Variants in TRPM3 observed in about 807,000 individuals in gnomAD.
The protein encoded by TRPM3 is long transient receptor potential channel 3.
TRPM3 carries 77 observed loss-of-function variants against 181.2 expected under a neutral mutation model. The ratio of observed to expected loss-of-function variants is 0.42; its 90% confidence interval spans 0.35 to 0.51. The LOEUF is 0.51. Among genes scored for constraint, TRPM3 ranks in the 20% least tolerant of loss-of-function variants. The pLI is 0.01. For missense variants in TRPM3, 1,759 were observed against 2,196.7 expected (o/e 0.80, Z 3.98); for synonymous variants, 745 against 796.4 (o/e 0.94, Z 1.09).
intron 1 of TRPM3, among the ~76,000 whole-genome samples, chr9:71,052,683 A>G (rs930916664): frequency 1.4e-4 from 22 of 152,094 alleles, no homozygotes; most frequent in African/African-American, 5.3e-4. Context: ...AAAAAACCCT[A>G]CATCTCTAGG....
intron 1 of TRPM3, among the ~76,000 whole-genome samples, chr9:71,204,981 C>T (rs1363464379): frequency 6.6e-6 from 1 of 151,994 alleles, no homozygotes; most frequent in Non-Finnish European, 1.5e-5. Flanking sequence ...CCAAACACGG[C>T]ATGTTCTCAC....
At chr9:70,585,292 A>G (rs2056877541) in intron 22 of TRPM3, among the ~76,000 whole-genome samples, 2 of 152,150 alleles carry the variant, frequency 1.3e-5, no homozygotes, top group Admixed American at 6.5e-5. Context: ...CTTGCATTTG[A>G]CACCGTTGAC....
chr9:70,833,099 C>T (rs1307109784), intron 5 of TRPM3, among the ~76,000 whole-genome samples: 1 of 152,194 alleles, frequency 6.6e-6, no homozygotes, highest in African/African-American at 2.4e-5. Context: ...TGAGTCTGGA[C>T]AGCCTGTGTT....
At chr9:71,041,518 G>A (rs1218169304) in intron 1 of TRPM3, among the ~76,000 whole-genome samples, 1 of 152,056 alleles carries the variant, frequency 6.6e-6, no homozygotes, top group Non-Finnish European at 1.5e-5. Context: ...GCATAAGTAT[G>A]TTTTTCTGAC....
rs552517020 is a variant in TRPM3 at position 71,248,662 on chromosome 9, A to C, written c.183+197991T>G. Among the ~76,000 whole-genome samples the C allele has an allele frequency of 2.0e-5, 3 of 152,298 alleles. No individual in the cohort carries two copies. In the South Asian group the frequency reaches 6.2e-4, roughly 32 times the overall value. On this transcript the variant is annotated intron_variant, in intron 1 of 24. Transcript: ENST00000357533. The stretch of plus-strand genomic sequence containing the variant: ...AGAGATAAAGTCCCCTTTTCCAGCT[A>C]TTCACAACTTACTCTTGTTGTCTGC...
chr9:70,905,134 A>G (rs1340315636), intron 1 of TRPM3, among the ~76,000 whole-genome samples: 1 of 152,196 alleles, frequency 6.6e-6, no homozygotes, highest in African/African-American at 2.4e-5. Context: ...TGAGCCTACA[A>G]ATGCAATGTG....
At chr9:70,700,856 G>A (rs11142556) in intron 8 of TRPM3, among the ~76,000 whole-genome samples, 32,515 of 152,126 alleles carry the variant, frequency 0.21, 4,285 homozygotes, top group Non-Finnish European at 0.29. Context: ...AATGTTAAAC[G>A]TGCTAAATAT....
intron 1 of TRPM3, among the ~76,000 whole-genome samples, chr9:71,257,480 T>C (rs1340727387): frequency 1.3e-5 from 2 of 152,182 alleles, no homozygotes; most frequent in Non-Finnish European, 2.9e-5. Context: ...CTTCATGCCA[T>C]GTACCCAATG....
chr9:70,904,904 C>T (rs2096440388), intron 1 of TRPM3, among the ~76,000 whole-genome samples: 1 of 152,142 alleles, frequency 6.6e-6, no homozygotes, highest in African/African-American at 2.4e-5. Flanking sequence ...TTAAAGTTTT[C>T]TTATGGCTGG....
In TRPM3 at chr9:71,174,425, C is replaced by G. The variant is rs528827212; in HGVS notation, c.183+272228G>C. On this transcript the variant is annotated intron_variant, in intron 1 of 24. Coordinates refer to the TRPM3 transcript ENST00000357533. Reference sequence around the variant, plus strand: ...GGTGTAGTGGTAGGTGCCTGTAATCCCAGCTACTTGGGAGGCTGAAGCAGG... The same window carrying G: ...GGTGTAGTGGTAGGTGCCTGTAATCGCAGCTACTTGGGAGGCTGAAGCAGG... Among the ~76,000 whole-genome samples the G allele has an allele frequency of 5.9e-5, 9 of 152,100 alleles. No individual in the cohort carries two copies. The South Asian group carries it at 1.9e-3, about 32-fold the overall frequency.
chr9:70,621,106 T>C (rs1284873242), intron 15 of TRPM3, 138 bp downstream of exon 15: 2 of 214,936 alleles, frequency 9.3e-6, no homozygotes, highest in African/African-American at 2.4e-5. Flanking sequence ...TTATAGTATA[T>C]ATATATTATA....
rs1342048189 is a variant in TRPM3 at position 70,752,990 on chromosome 9, AAAGCTACTTGGGAG to A, written c.1272+8597_1272+8610del. Among the ~76,000 whole-genome samples the A allele has an allele frequency of 2.0e-5, 3 of 152,000 alleles. No individual in the cohort carries two copies. The East Asian group carries it at 5.8e-4, about 29-fold the overall frequency. Reference sequence around the variant, plus strand: ...CTGAGTGTGGTGGTTGGCACTCCCAAAAGCTACTTGGGAGGCTGAGGCAGGAGAATTGCTTGAAC... The same window carrying A: ...CTGAGTGTGGTGGTTGGCACTCCCAAGCTGAGGCAGGAGAATTGCTTGAAC... On this transcript the variant is annotated intron_variant, in intron 8 of 25. Transcript: ENST00000677713.
At position 70,843,107 on chromosome 9, in the gene TRPM3, C is replaced by T. The variant is rs761902549; in HGVS notation, c.697G>A (p.Asp233Asn). The change falls in exon 5 of 26, where the codon GAT becomes AAT. Residue 233 changes from aspartate to asparagine, a missense_variant. Physicochemically the swap from Asp to Asn is conservative, Grantham distance 23. Coordinates refer to ENST00000677713, the MANE Select transcript of TRPM3 (RefSeq NM_001366145.2). ...TTAGAGGCATGATCCTTCAAGGCATCGCCAACATGACGAATAACACCTAAA... is the reference window on the plus strand; with the variant it reads ...TTAGAGGCATGATCCTTCAAGGCATTGCCAACATGACGAATAACACCTAAA... Reference protein sequence around the residue: ...VNTGVIRHVGDALKDHASKSR... With the variant: ...VNTGVIRHVGNALKDHASKSR... 1.2e-6 allele frequency: 2 copies of T among 1,604,430 alleles called. No individual in the cohort carries two copies. The highest frequency in any genetic ancestry group is 1.7e-6 in the Non-Finnish European group (2 of 1,177,632).
chr9:71,101,821 G>A (rs996314105), intron 1 of TRPM3, among the ~76,000 whole-genome samples: 3 of 152,130 alleles, frequency 2.0e-5, no homozygotes, highest in Non-Finnish European at 4.4e-5. Context: ...ATTGGCTCCT[G>A]TGACAGCATT....
chr9:70,854,968 C>T (rs1377501279), intron 3 of TRPM3, among the ~76,000 whole-genome samples: 2 of 152,170 alleles, frequency 1.3e-5, no homozygotes, highest in Non-Finnish European at 2.9e-5. Flanking sequence ...TTCTGTGAGA[C>T]TATAAATAGA....
intron 1 of TRPM3, among the ~76,000 whole-genome samples, chr9:71,246,461 A>G (rs2082039170): frequency 6.6e-6 from 1 of 152,204 alleles, no homozygotes; most frequent in South Asian, 2.1e-4. Flanking sequence ...ATTTTAGCAC[A>G]TGGTTCCGGA....
chr9:70,859,669 G>T (rs1183851426), intron 3 of TRPM3, among the ~76,000 whole-genome samples: 5 of 152,154 alleles, frequency 3.3e-5, no homozygotes, highest in Non-Finnish European at 7.4e-5. Context: ...ATCGTTTGGA[G>T]TCTCAGTCTC....
intron 1 of TRPM3, among the ~76,000 whole-genome samples, chr9:71,016,312 A>G (rs560480983): frequency 6.6e-6 from 1 of 151,902 alleles, no homozygotes; most frequent in South Asian, 2.1e-4. Context: ...TTAAGTGTAC[A>G]GTTTGCTGGC....
intron 1 of TRPM3, among the ~76,000 whole-genome samples, chr9:71,279,400 G>C (rs1254971162): frequency 2.0e-5 from 3 of 152,102 alleles, no homozygotes; most frequent in Non-Finnish European, 2.9e-5. Context: ...TTAAATATTT[G>C]TCCATCTGGC....
Sources: gnomAD v4.1 joint callset for allele counts (sites outside exome capture counted in the v4.1 genomes callset) on GRCh38, gnomAD v4.1.1 for gene constraint, MANE v1.5 for transcripts, NCBI Gene and HGNC (gene_info 2026-07-23, HGNC 2026-07-21) for gene names.